The following LONRF1 variants were observed in gnomAD, a reference collection of about 807,000 sequenced individuals.
The protein encoded by LONRF1 is LON peptidase N-terminal domain and ring finger 1.
A neutral mutation model predicts 85.8 loss-of-function variants in LONRF1; 37 were observed. That is an observed-to-expected ratio of 0.43 (90% confidence interval 0.33 to 0.57). The LOEUF is 0.57. Ranked by LOEUF, LONRF1 falls within the 20% of genes least tolerant of loss-of-function variation. The probability of loss-of-function intolerance (pLI) is 0.04; values close to 1 mark genes in which losing one functional copy is unlikely to be tolerated. For missense variants in LONRF1, 1,036 were observed against 978.0 expected (o/e 1.06, Z -0.79); for synonymous variants, 517 against 390.1 (o/e 1.33, Z -3.83).
intron 3 of LONRF1, among the ~76,000 whole-genome samples, chr8:12,739,662 A>G (rs1045769689): frequency 3.3e-5 from 5 of 152,216 alleles, no homozygotes; most frequent in African/African-American, 1.2e-4. Context: ...GAGAAAAACA[A>G]AATATTCTAA....
Position 12,722,430 on chromosome 8 carries a change from A to T in LONRF1, c.*666T>A, listed in dbSNP as rs1207353025. ...GTCAGGTTTACAATTGTTCCTGAAA[A>T]CTGGCTCTAGGTTCTGCATCCAATG... On this transcript the variant is annotated 3_prime_UTR_variant, in exon 12 of 12. Coordinates refer to ENST00000398246, the MANE Select transcript of LONRF1 (RefSeq NM_152271.5). 2 of 152,650 alleles carry T rather than the reference A, an allele frequency of 1.3e-5. No individual in the cohort carries two copies. The highest frequency in any genetic ancestry group is 2.9e-5 in the Non-Finnish European group (2 of 68,038). The allele number at this position is 152,650 out of a possible 1,614,324, so 9.5% of individuals were successfully genotyped here. A position where few individuals can be genotyped will look rare whatever the true frequency, so the allele number is the denominator to read the frequency against.
chr8:12,723,790 T>C (rs760059920), intron 11 of LONRF1, among the ~76,000 whole-genome samples: 14 of 152,214 alleles, frequency 9.2e-5, no homozygotes, highest in African/African-American at 1.2e-4. Flanking sequence ...GAAATGTTAA[T>C]TGAGATTTAA....
intron 7 of LONRF1, 39 bp from the exon 8 acceptor site, chr8:12,731,896 T>C (rs774629370): frequency 6.3e-7 from 1 of 1,593,956 alleles, no homozygotes; most frequent in South Asian, 1.1e-5. Context: ...GCAGTGGTTT[T>C]CCTACAGTAT....
chr8:12,731,875 T>C lies in LONRF1; in HGVS notation c.1567-18A>G. 4 of 1,604,528 alleles carry C rather than the reference T, an allele frequency of 2.5e-6. No homozygotes were observed. The South Asian group carries it at 4.5e-5, about 18-fold the overall frequency. ...GCTAGATACTAAAAGACAATATTATTTTACATTCCAGCAGTGGTTTTCCTA... is the reference window on the plus strand; with the variant it reads ...GCTAGATACTAAAAGACAATATTATCTTACATTCCAGCAGTGGTTTTCCTA... On this transcript the variant is annotated intron_variant, in intron 7 of 11. Coordinates refer to ENST00000398246, the MANE Select transcript of LONRF1 (RefSeq NM_152271.5).
At position 12,731,763 on chromosome 8, in the gene LONRF1, T is replaced by C. The variant is rs1798537613; in HGVS notation, c.1661A>G (p.Tyr554Cys). 2 of 1,612,700 alleles carry C rather than the reference T, an allele frequency of 1.2e-6. No individual in the cohort carries two copies. The highest frequency in any genetic ancestry group is 1.7e-6 in the Non-Finnish European group (2 of 1,179,294). Residue 554 changes from tyrosine to cysteine, a missense_variant, in exon 8 of 12, where the codon TAT (tyrosine) becomes TGT (cysteine). This residue lies in a region of LONRF1 where 265 missense variants were observed against 301.5 expected (regional missense o/e 0.88). Transcript: ENST00000398246. ...PDELSERKKIYDEETAELSHL... is the reference protein window; with the variant it reads ...PDELSERKKICDEETAELSHL... ...TGAGAGTTCAGCAGTTTCTTCATCA[T>C]ATATTTTTTTTCTCTCAGACAGTTC...
Position 12,737,070 on chromosome 8 carries a change from G to A in LONRF1, c.1184C>T (p.Ser395Phe), listed in dbSNP as rs758982124. The A allele has an allele frequency of 7.4e-6, 12 of 1,613,472 alleles. No homozygotes were observed. The highest frequency in any genetic ancestry group is 6.6e-5 in the South Asian group (6 of 91,080). Residue 395 changes from serine (S) to phenylalanine (F), a missense_variant, in exon 5 of 12, where the codon TCT becomes TTT. This residue lies in a region of LONRF1 where 742 missense variants were observed against 614.4 expected (regional missense o/e 1.21). Coordinates refer to ENST00000398246, the MANE Select transcript of LONRF1 (RefSeq NM_152271.5). ...GSLNRAQSAQ[S>F]INSTEMPARE... The stretch of plus-strand genomic sequence containing the variant: ...GGCAGGCATTTCTGTTGAATTTATA[G>A]ACTGTGCTGACTGAGCACGGTTTAA...
In LONRF1 at chr8:12,755,302, C is replaced by G; in HGVS notation, c.119G>C (p.Arg40Pro). The change falls in exon 1 of 12, where the codon CGC (arginine) becomes CCC (proline). Residue 40 changes from arginine (R) to proline (P), a missense_variant. Coordinates refer to ENST00000398246, the MANE Select transcript of LONRF1 (RefSeq NM_152271.5). Reference sequence around the variant, plus strand: ...CCAGCGCTCCGACTCCGCGGCCGCGCGCTCCAGCCGATGGCCGCTGCCGCC... The same window carrying G: ...CCAGCGCTCCGACTCCGCGGCCGCGGGCTCCAGCCGATGGCCGCTGCCGCC... ...VGGGSGHRLE[R>P]AAAESERWEL... 8.0e-7 allele frequency: 1 copy of G among 1,248,156 alleles called. No homozygotes were observed. Among genetic ancestry groups the G allele is most frequent in the Non-Finnish European group, 1.0e-6 (1 of 993,732 alleles). The allele number at this position is 1,248,156 out of a possible 1,614,324, so 77.3% of individuals were successfully genotyped here.
chr8:12,746,993 T>C (rs1442806769), intron 1 of LONRF1, among the ~76,000 whole-genome samples: 2 of 152,254 alleles, frequency 1.3e-5, no homozygotes, highest in African/African-American at 4.8e-5. Flanking sequence ...ATACATTATT[T>C]ATTAAAGTAA....
intron 1 of LONRF1, among the ~76,000 whole-genome samples, chr8:12,746,225 T>C (rs895288641): frequency 6.6e-6 from 1 of 152,146 alleles, no homozygotes; most frequent in African/African-American, 2.4e-5. Context: ...ACTCTACCTA[T>C]ATCCTTACCA....
At chr8:12,754,408 G>C (rs1247765229) in intron 1 of LONRF1, 1 of 273,650 alleles carries the variant, frequency 3.7e-6, no homozygotes, top group Non-Finnish European at 6.8e-6. Context: ...CCCACTCCGC[G>C]CCGGGAGCGC....
chr8:12,746,090 A>C (rs2117322982), intron 1 of LONRF1, among the ~76,000 whole-genome samples: 1 of 152,160 alleles, frequency 6.6e-6, no homozygotes, highest in East Asian at 1.9e-4. Context: ...TGTAAATGTC[A>C]CCTCCTATGA....
intron 7 of LONRF1, among the ~76,000 whole-genome samples, chr8:12,732,719 C>T (rs971779415): frequency 1.3e-5 from 2 of 152,122 alleles, no homozygotes; most frequent in Non-Finnish European, 2.9e-5. Flanking sequence ...ACATAGTAGG[C>T]ATTGTAGCGT....
chr8:12,749,326 G>C (rs1799287451), intron 1 of LONRF1, among the ~76,000 whole-genome samples: 1 of 152,094 alleles, frequency 6.6e-6, no homozygotes, highest in South Asian at 2.1e-4. Flanking sequence ...GGGTCAAGGG[G>C]ATGGGAAGCA....
At position 12,723,397 on chromosome 8, in the gene LONRF1, G is replaced by A. The variant is rs900280244; in HGVS notation, c.2164-143C>T. 5 of 682,190 alleles carry A rather than the reference G, an allele frequency of 7.3e-6. No individual in the cohort carries two copies. In the East Asian group the frequency reaches 1.4e-4, roughly 19 times the overall value. The allele number at this position is 682,190 out of a possible 1,614,324, so 42.3% of individuals were successfully genotyped here. The stretch of plus-strand genomic sequence containing the variant: ...CCAATGTCCTTAACAATTATGCAAA[G>A]TATAAAATGGGAGAAACTGAAGCTC... On this transcript the variant is annotated intron_variant, in intron 11 of 11. Transcript: ENST00000398246.
chr8:12,723,106 T>G lies in LONRF1; in HGVS notation c.2312A>C (p.Gln771Pro). 1 of 1,611,288 alleles carries G rather than the reference T, an allele frequency of 6.2e-7. No individual in the cohort carries two copies. Reference sequence around the variant, plus strand: ...GATCCAAAGAGTTAGTTACTTAGATTGGTCTCTAGAAAAATAGGTCAGTAT... The same window carrying G: ...GATCCAAAGAGTTAGTTACTTAGATGGGTCTCTAGAAAAATAGGTCAGTAT... ...QHILTYFSRDQSK is the reference protein window; with the variant it reads ...QHILTYFSRDPSK The change falls in exon 12 of 12, where the codon CAA (glutamine) becomes CCA (proline). Residue 771 changes from glutamine to proline, a missense_variant. By Grantham distance (76) the Gln-to-Pro change is moderately conservative. This residue lies in a region of LONRF1 where 265 missense variants were observed against 301.5 expected (regional missense o/e 0.88). Coordinates refer to ENST00000398246, the MANE Select transcript of LONRF1 (RefSeq NM_152271.5).
chr8:12,740,861 G>A lies in LONRF1; in HGVS notation c.963+13C>T. The A allele has an allele frequency of 2.5e-6, 4 of 1,611,630 alleles. No individual in the cohort carries two copies. The highest frequency in any genetic ancestry group is 3.4e-6 in the Non-Finnish European group (4 of 1,178,822). On this transcript the variant is annotated intron_variant, in intron 3 of 11. Transcript: ENST00000398246. ...GCCCTACCATGAACTGTAATTGTTGGTAAACTGATTACCTTTTGTACTTGC... is the reference window on the plus strand; with the variant it reads ...GCCCTACCATGAACTGTAATTGTTGATAAACTGATTACCTTTTGTACTTGC...
chr8:12,728,890 T>C lies in LONRF1; in HGVS notation c.2010+11A>G, dbSNP rs1320646713. ...TACGAAAGTATGCTGGCAAAGCACA[T>C]TTTAAAATACCTTAACATCTTCCAG... On this transcript the variant is annotated intron_variant, in intron 10 of 11. Coordinates refer to ENST00000398246, the MANE Select transcript of LONRF1 (RefSeq NM_152271.5). 6.2e-7 allele frequency: 1 copy of C among 1,613,664 alleles called. No individual in the cohort carries two copies.
chr8:12,755,459 G>A lies in LONRF1; in HGVS notation c.-39C>T. 16 of 1,078,972 alleles carry A rather than the reference G, an allele frequency of 1.5e-5. No individual in the cohort carries two copies. The highest frequency in any genetic ancestry group is 5.2e-5 in the Admixed American group (1 of 19,364). 66.8% of individuals were successfully genotyped at this position (1,078,972 alleles called of 1,614,324 possible). On this transcript the variant is annotated 5_prime_UTR_variant, in exon 1 of 12. Transcript: ENST00000398246. ...CTGCGCCGCCGCCGCCCGCCGCCAC[G>A]GTCCCGGAGCCTCCCGGGCGCGCGG... is the stretch of plus-strand genomic sequence containing the variant.
In LONRF1 at chr8:12,735,346, A is replaced by C. The variant is rs1226827661; in HGVS notation, c.1506T>G (p.Cys502Trp). Residue 502 changes from cysteine (C) to tryptophan (W), a missense_variant, in exon 7 of 12, where the codon TGT becomes TGG. By Grantham distance (215) the Cys-to-Trp change is radical. Transcript: ENST00000398246. Reference sequence around the variant, plus strand: ...GTGCATGATCTAAACAACGCTCAAGACAATTCTTACAGAACGAATGTCCGC... The same window carrying C: ...GTGCATGATCTAAACAACGCTCAAGCCAATTCTTACAGAACGAATGTCCGC... ...TPCGHSFCKN[C>W]LERCLDHAPY... is the part of the protein sequence containing the mutation. 1 of 1,608,504 alleles carries C rather than the reference A, an allele frequency of 6.2e-7. No individual in the cohort carries two copies. The highest frequency in any genetic ancestry group is 8.5e-7 in the Non-Finnish European group (1 of 1,176,886).
Sources: allele counts gnomAD v4.1 joint callset (sites outside exome capture counted in the v4.1 genomes callset), GRCh38; gene constraint gnomAD v4.1.1; regional missense constraint gnomAD v4.1.1; transcripts MANE v1.5; gene names NCBI Gene and HGNC (gene_info 2026-07-23, HGNC 2026-07-21).